CDC42SE1: variants seen among roughly 807,000 people sequenced by gnomAD.
The protein encoded by CDC42SE1 is CDC42 small effector 1.
In CDC42SE1, 10 loss-of-function variants were observed where a neutral mutation model predicts 10.9. The ratio of observed to expected loss-of-function variants is 0.92; its 90% CI spans 0.57 to 1.56. The LOEUF (loss-of-function observed/expected upper bound fraction) is 1.56. CDC42SE1 is among the 40% of genes most tolerant of loss of function. The pLI is 0.00. For synonymous variants in CDC42SE1, 24 were observed against 32.0 expected, an observed-to-expected ratio of 0.75 and a Z score of 0.85; for missense variants, 81 against 100.8, an observed-to-expected ratio of 0.80 and a Z score of 0.84.
chr1:151,056,591 T>C (rs1372234648), intron 1 of CDC42SE1: 2 of 150,748 alleles, frequency 1.3e-5, no homozygotes, highest in Non-Finnish European at 2.9e-5. Flanking sequence ...TTCCTCCTGA[T>C]TTCCCTCCAG....
chr1:151,055,663 G>C lies in CDC42SE1; in HGVS notation c.54+14C>G. 6.2e-7 allele frequency: 1 copy of C among 1,607,646 alleles called. No homozygotes were observed. The highest frequency in any genetic ancestry group is 8.5e-7 in the Non-Finnish European group (1 of 1,174,724). The stretch of plus-strand genomic sequence containing the variant: ...ACTGCTCTTTGGGTTAGGATGGGGG[G>C]TGGGGAGACTCACCGGCTGGGGTTT... On this transcript the variant is annotated intron_variant, in intron 2 of 4. Coordinates refer to ENST00000357235, the MANE Select transcript of CDC42SE1 (RefSeq NM_020239.4).
At chr1:151,054,055 T>C (rs1413106587) in intron 4 of CDC42SE1, among the ~76,000 whole-genome samples, 176 bp downstream of exon 4, 3 of 151,748 alleles carry the variant, frequency 2.0e-5, no homozygotes, top group African/African-American at 7.3e-5. Context: ...GGTCTTGAAC[T>C]CCTGGCCTCA....
In CDC42SE1 at chr1:151,054,248, T is replaced by C. The variant is rs1376536417; in HGVS notation, c.239A>G (p.Ter80TrpextTer3). 6.2e-7 allele frequency: 1 copy of C among 1,609,444 alleles called. No individual in the cohort carries two copies. Among genetic ancestry groups the C allele is most frequent in the Admixed American group, 1.7e-5 (1 of 60,030 alleles). The change falls in exon 4 of 5, where the codon TAG becomes TGG. Residue 80 changes from the stop codon to tryptophan (W), a stop_lost. Transcript: ENST00000357235. The part of the protein sequence containing the change: ...DRPWSNSRGL[*>W] ...TCACTCACCATTCCATTATTGGAGC[T>C]ATAAGCCCCTAGAATTGCTCCATGG...
chr1:151,053,502 G>C (rs1676223314), intron 4 of CDC42SE1, among the ~76,000 whole-genome samples, 175 bp from the exon 5 acceptor site: 1 of 150,346 alleles, frequency 6.7e-6, no homozygotes, highest in South Asian at 2.1e-4. Flanking sequence ...TTTTTTTTGA[G>C]ATGGAATCTC....
rs201903475 is a variant in CDC42SE1, at chr1:151,055,701, G to C, written c.30C>G (p.Cys10Trp). The C allele has an allele frequency of 6.2e-7, 1 of 1,613,486 alleles. No homozygotes were observed. Among genetic ancestry groups the C allele is most frequent in the Non-Finnish European group, 8.5e-7 (1 of 1,179,658 alleles). Residue 10 changes from cysteine to tryptophan, a missense_variant, in exon 2 of 5, where the codon TGC (cysteine) becomes TGG (tryptophan). Physicochemically the swap from Cys to Trp is radical, Grantham distance 215. Transcript: ENST00000357235. MSEFWHKLG[C>W]CVVEKPQPKK... The stretch of plus-strand genomic sequence containing the variant: ...CCGGCTGGGGTTTCTCTACCACACA[G>C]CAGCCCAGTTTGTGCCAAAATTCAC...
Position 151,055,971 on chromosome 1 carries a change from A to G in CDC42SE1, c.-241T>C. On this transcript the variant is annotated 5_prime_UTR_variant, in exon 2 of 5. The change abolishes the stop of an existing upstream ORF in the 5' untranslated region. Transcript: ENST00000357235. ...GAGGTGGGCAGGCAGGCACAAGGTT[A>G]TGTCTTCCTCAGACTCGGAACCCTG... 1 of 565,724 alleles carries G rather than the reference A, an allele frequency of 1.8e-6. No homozygotes were observed. The highest frequency in any genetic ancestry group is 2.9e-5 in the East Asian group (1 of 34,144). 35.0% of individuals were successfully genotyped at this position (565,724 alleles called of 1,614,324 possible).
rs1676254644 is a variant in CDC42SE1 at position 151,055,046 on chromosome 1, C to T, written c.135G>A (p.Gly45=). 6.2e-7 allele frequency: 1 copy of T among 1,613,860 alleles called. No individual in the cohort carries two copies. The highest frequency in any genetic ancestry group is 1.3e-5 in the African/African-American group (1 of 74,954). Residue 45 remains glycine, a synonymous_variant, in exon 3 of 5, where the codon GGG becomes GGA. Coordinates refer to ENST00000357235, the MANE Select transcript of CDC42SE1 (RefSeq NM_020239.4). The part of the protein sequence containing the change: ...NFVHLTHIGS[G]EMGAGDGLAM... ...CAAGTCCATCTCCGGCCCCCATCTC[C>T]CCTGAGCCAATGTGAGTCAGGTGAA...
intron 1 of CDC42SE1, 33 bp downstream of exon 1, chr1:151,059,446 A>C (rs587660499): frequency 5.9e-4 from 90 of 152,746 alleles, no homozygotes; most frequent in African/African-American, 2.1e-3. Context: ...CCGGCGCGGC[A>C]GGCGGGCCAG....
chr1:151,056,512 C>G (rs1182520978), intron 1 of CDC42SE1: 17 of 152,202 alleles, frequency 1.1e-4, no homozygotes, highest in African/African-American at 4.1e-4. Flanking sequence ...AGGAGACTAA[C>G]TGGCAGGTTG....
At chr1:151,055,280 G>C (rs190233784) in intron 2 of CDC42SE1, 154 bp from the exon 3 acceptor site, 9 of 625,950 alleles carry the variant, frequency 1.4e-5, no homozygotes, top group Non-Finnish European at 2.6e-5. Context: ...GGCATGAAAG[G>C]CAAAGCTGGA....
Position 151,057,094 on chromosome 1 carries a change from C to A in CDC42SE1, c.-263-1101G>T, listed in dbSNP as rs1368127658. Among the ~76,000 whole-genome samples, 1 of 152,236 alleles carries A rather than the reference C, an allele frequency of 6.6e-6. No homozygotes were observed. The highest frequency in any genetic ancestry group is 2.4e-5 in the African/African-American group (1 of 41,468). Reference sequence around the variant, plus strand: ...CTTCTTAGACTCACTTGCATTTCCCCAGTCCTATAGTACAGACAACCTCAA... The same window carrying A: ...CTTCTTAGACTCACTTGCATTTCCCAAGTCCTATAGTACAGACAACCTCAA... On this transcript the variant is annotated intron_variant, in intron 1 of 4. Coordinates refer to ENST00000357235, the MANE Select transcript of CDC42SE1 (RefSeq NM_020239.4). This position sits in a 1 kb window ranked among gnomAD's most constrained non-coding sequence, Gnocchi z 4.0.
intron 1 of CDC42SE1, 96 bp downstream of exon 1, chr1:151,059,383 A>AGGACACCCGCCTCCC (rs1676357661): frequency 6.6e-6 from 1 of 152,220 alleles, no homozygotes; most frequent in Non-Finnish European, 1.5e-5. Flanking sequence ...TCTGCAGCCC[A>AGGACACCCGCCTCCC]GGACACCCGC....
At chr1:151,055,358 A>T (rs1676259531) in intron 2 of CDC42SE1, 5 of 587,510 alleles carry the variant, frequency 8.5e-6, no homozygotes, top group Non-Finnish European at 1.5e-5. Context: ...TGAACACTGG[A>T]CAAAGAAAGG....
intron 3 of CDC42SE1, among the ~76,000 whole-genome samples, chr1:151,054,787 C>A (rs949924413): frequency 2.6e-5 from 4 of 152,006 alleles, no homozygotes; most frequent in Non-Finnish European, 4.4e-5. Flanking sequence ...GATATATATA[C>A]CCCCTACCCC....
intron 1 of CDC42SE1, chr1:151,056,504 G>A (rs766039474): frequency 6.6e-6 from 1 of 152,314 alleles, no homozygotes; most frequent in South Asian, 2.1e-4. Context: ...GAGGTCCTAG[G>A]AGACTAACTG....
At chr1:151,054,435 A>G in intron 3 of CDC42SE1, 114 bp from the exon 4 acceptor site, 2 of 813,558 alleles carry the variant, frequency 2.5e-6, no homozygotes, top group Non-Finnish European at 2.1e-6. Context: ...AATAGCAGCC[A>G]TCTGCTAACC....
chr1:151,055,339 C>T (rs749031535), intron 2 of CDC42SE1: 11 of 595,016 alleles, frequency 1.8e-5, no homozygotes, highest in Middle Eastern at 4.5e-4. Context: ...AGGGCAGTGG[C>T]CTGCAGAGTG....
rs1676318191 is a variant in CDC42SE1, at chr1:151,057,983, G to C, written c.-264+1496C>G. The stretch of plus-strand genomic sequence containing the variant: ...ATGGTGGTGGTGGCAGGTGGTAAGG[G>C]TTGGGGAAAAATGAAGAATTAGAGG... On this transcript the variant is annotated intron_variant, in intron 1 of 4. Coordinates refer to ENST00000357235, the MANE Select transcript of CDC42SE1 (RefSeq NM_020239.4). The surrounding 1 kb of genome is among the most constrained non-coding windows in gnomAD (Gnocchi z 4.0). 1 of 152,450 alleles carries C rather than the reference G, an allele frequency of 6.6e-6. No individual in the cohort carries two copies. The highest frequency in any genetic ancestry group is 2.4e-5 in the African/African-American group (1 of 41,406). The allele number at this position is 152,450 out of a possible 1,614,324, so 9.4% of individuals were successfully genotyped here.
Position 151,054,214 on chromosome 1 carries a change from T to A in CDC42SE1, c.*16+17A>T. 2 of 1,509,078 alleles carry A rather than the reference T, an allele frequency of 1.3e-6. No homozygotes were observed. The highest frequency in any genetic ancestry group is 1.8e-6 in the Non-Finnish European group (2 of 1,084,944). 93.5% of individuals were successfully genotyped at this position (1,509,078 alleles called of 1,614,324 possible). A position where few individuals can be genotyped will look rare whatever the true frequency, so the allele number is the denominator to read the frequency against. On this transcript the variant is annotated intron_variant, in intron 4 of 4. Transcript: ENST00000357235. ...TATGGGGGCTGAGGTGTTAGATGGG[T>A]TTCTCTAATCACTCACCATTCCATT... is the stretch of plus-strand genomic sequence containing the variant.
Sources: gnomAD v4.1 joint callset for allele counts (sites outside exome capture counted in the v4.1 genomes callset) on GRCh38, gnomAD v4.1.1 for gene constraint, Gnocchi (gnomAD v3.1) non-coding constraint, MANE v1.5 for transcripts, NCBI Gene and HGNC (gene_info 2026-07-23, HGNC 2026-07-21) for gene names.